Variants in SGCZ observed in about 807,000 individuals in gnomAD.
SGCZ encodes sarcoglycan zeta, also known as zeta-sarcoglycan.
In SGCZ, 40 loss-of-function variants were observed where a neutral mutation model predicts 41.3. The ratio of observed to expected loss-of-function variants is 0.97; its 90% CI spans 0.75 to 1.26. The LOEUF (loss-of-function observed/expected upper bound fraction) is 1.26, where lower values mean the gene tolerates loss of function less well. Ranked by LOEUF, SGCZ falls within the 50% of genes most tolerant of loss-of-function variation. The pLI is 0.00. For missense variants in SGCZ, 552 were observed against 369.8 expected, an observed-to-expected ratio of 1.49 and a Z score of -4.04; for synonymous variants, 206 against 137.5, an observed-to-expected ratio of 1.50 and a Z score of -3.49.
intron 3 of SGCZ, among the ~76,000 whole-genome samples, chr8:14,245,023 A>G (rs1262010005): frequency 6.6e-6 from 1 of 152,150 alleles, no homozygotes; most frequent in Non-Finnish European, 1.5e-5. Flanking sequence ...TCAGTATACA[A>G]TCATGTCATC....
chr8:15,149,940 G>A (rs1799132761), intron 1 of SGCZ, among the ~76,000 whole-genome samples: 1 of 152,154 alleles, frequency 6.6e-6, no homozygotes, highest in South Asian at 2.1e-4. Context: ...CCATGCCAAG[G>A]AGTACAGTGT....
chr8:14,314,286 A>AT (rs36000069), intron 3 of SGCZ, among the ~76,000 whole-genome samples: 53,457 of 151,640 alleles, frequency 0.35, 9,956 homozygotes, highest in Non-Finnish European at 0.43. Context: ...TCATAGTATT[A>AT]TTTTTTTTCC....
At chr8:14,264,372 C>G (rs1427022) in intron 3 of SGCZ, among the ~76,000 whole-genome samples, 141,803 of 152,178 alleles carry the variant, frequency 0.93, 66,792 homozygotes, top group East Asian at 1. Context: ...TGCAGTGCCT[C>G]ACTCTAGGCT....
chr8:14,970,443 T>G (rs765234311), intron 1 of SGCZ, among the ~76,000 whole-genome samples: 8 of 152,166 alleles, frequency 5.3e-5, no homozygotes, highest in African/African-American at 1.7e-4. Flanking sequence ...TCTAAAAGTT[T>G]TATAATTTTA....
intron 1 of SGCZ, among the ~76,000 whole-genome samples, chr8:15,031,912 T>TCC (rs1803681733): frequency 6.6e-6 from 1 of 150,792 alleles, no homozygotes; most frequent in Non-Finnish European, 1.5e-5. Context: ...CCTCTCTCTC[T>TCC]CTCTCTCTCT....
At chr8:14,433,349 C>T (rs182365521) in intron 2 of SGCZ, among the ~76,000 whole-genome samples, 94 of 152,198 alleles carry the variant, frequency 6.2e-4, no homozygotes, top group African/African-American at 1.5e-3. Context: ...TAGTGATATA[C>T]GGATAATTAA....
At chr8:15,037,426 T>G (rs1158689735) in intron 1 of SGCZ, among the ~76,000 whole-genome samples, 2 of 152,182 alleles carry the variant, frequency 1.3e-5, no homozygotes, top group Admixed American at 6.5e-5. Flanking sequence ...TCAATTAAAC[T>G]TCTTTCATGT....
chr8:14,318,907 G>T (rs2117019016), intron 3 of SGCZ, among the ~76,000 whole-genome samples: 1 of 151,012 alleles, frequency 6.6e-6, no homozygotes, highest in Non-Finnish European at 1.5e-5. Flanking sequence ...GAAGATTGTA[G>T]ACCAAAGGAA....
chr8:14,169,304 C>A (rs551122668), intron 4 of SGCZ, among the ~76,000 whole-genome samples: 5 of 152,290 alleles, frequency 3.3e-5, no homozygotes, highest in African/African-American at 1.2e-4. Flanking sequence ...AGTACCCCAT[C>A]CTCCTAAGAC....
chr8:14,820,526 C>G (rs1802043832), intron 1 of SGCZ, among the ~76,000 whole-genome samples: 1 of 152,172 alleles, frequency 6.6e-6, no homozygotes, highest in Admixed American at 6.5e-5. Context: ...TTCCATCCAA[C>G]AGCTACAGAG....
chr8:14,156,551 A>T (rs1303891231), intron 5 of SGCZ, among the ~76,000 whole-genome samples: 1 of 152,204 alleles, frequency 6.6e-6, no homozygotes, highest in Non-Finnish European at 1.5e-5. Context: ...ATATTATGTA[A>T]TTTTTAAAAA....
intron 2 of SGCZ, among the ~76,000 whole-genome samples, chr8:14,470,814 T>C (rs891500938): frequency 3.3e-5 from 5 of 152,166 alleles, no homozygotes; most frequent in Non-Finnish European, 7.4e-5. Context: ...CTAGAAAAGA[T>C]TGCTTTGCCA....
chr8:14,711,565 G>A (rs1234052908), intron 1 of SGCZ, among the ~76,000 whole-genome samples: 1 of 132,860 alleles, frequency 7.5e-6, no homozygotes, highest in Non-Finnish European at 1.5e-5. Context: ...TTGCTCAACT[G>A]CATTCCAGCC....
At chr8:14,531,644 T>C (rs975321326) in intron 2 of SGCZ, among the ~76,000 whole-genome samples, 2 of 152,070 alleles carry the variant, frequency 1.3e-5, no homozygotes, top group African/African-American at 4.8e-5. Context: ...GCCATGAAGA[T>C]AATGAAGAGT....
At chr8:14,786,245 A>G (rs1277294690) in intron 1 of SGCZ, among the ~76,000 whole-genome samples, 1 of 152,108 alleles carries the variant, frequency 6.6e-6, no homozygotes, top group African/African-American at 2.4e-5. Context: ...AATCATTTGT[A>G]ACATTTCATT....
intron 1 of SGCZ, among the ~76,000 whole-genome samples, chr8:14,881,365 C>A (rs1005002503): frequency 6.6e-6 from 1 of 152,054 alleles, no homozygotes; most frequent in Admixed American, 6.6e-5. Context: ...CACTCCATTT[C>A]GACCCCCATA....
At chr8:14,457,373 G>A (rs891612327) in intron 2 of SGCZ, among the ~76,000 whole-genome samples, 3 of 152,176 alleles carry the variant, frequency 2.0e-5, no homozygotes. Flanking sequence ...GTGGATCATG[G>A]TCCAGCGGTA....
chr8:14,954,538 A>G (rs62495373), intron 1 of SGCZ, among the ~76,000 whole-genome samples: 2,386 of 152,282 alleles, frequency 0.016, 30 homozygotes, highest in Non-Finnish European at 0.023. Context: ...ACACAAAATT[A>G]TAACTGTTCT....
At chr8:14,561,891 T>G (rs1255847327) in intron 1 of SGCZ, among the ~76,000 whole-genome samples, 1 of 152,184 alleles carries the variant, frequency 6.6e-6, no homozygotes, top group Non-Finnish European at 1.5e-5. Flanking sequence ...TAGAATTACA[T>G]GTCAATTTTT....
Sources: gnomAD v4.1 joint callset for allele counts (sites outside exome capture counted in the v4.1 genomes callset) on GRCh38, gnomAD v4.1.1 for gene constraint, MANE v1.5 for transcripts, NCBI Gene and HGNC (gene_info 2026-07-23, HGNC 2026-07-21) for gene names.